Variants in GPHN observed in about 807,000 individuals in gnomAD.
GPHN encodes gephyrin.
In GPHN, 17 loss-of-function variants were observed where a neutral mutation model predicts 95.5. That is an observed-to-expected ratio of 0.18 (90% confidence interval 0.12 to 0.27). The LOEUF (loss-of-function observed/expected upper bound fraction) is 0.27. GPHN is among the 10% of genes least tolerant of loss of function. The pLI is 1.00. For missense variants in GPHN, 660 were observed against 978.1 expected (o/e 0.67, Z 4.34); for synonymous variants, 320 against 322.5 (o/e 0.99, Z 0.08).
chr14:67,702,024 T>C, the GPHN span: 2 of 152,124 alleles, frequency 1.3e-5, no homozygotes, highest in Admixed American at 1.3e-4. Flanking sequence ...ACTATGTTGC[T>C]TAGGCTTGTC....
the GPHN span, among the ~76,000 whole-genome samples, chr14:67,559,899 C>A: frequency 1.3e-5 from 2 of 152,216 alleles, no homozygotes; most frequent in African/African-American, 4.8e-5. Flanking sequence ...GAGCTCCTGA[C>A]TAGCTTGGTG....
chr14:66,687,090 A>G (rs375223679), intron 2 of GPHN, among the ~76,000 whole-genome samples: 2 of 152,116 alleles, frequency 1.3e-5, no homozygotes, highest in Admixed American at 6.5e-5. Context: ...CTTGTATCCC[A>G]GGGATGAAGC....
At chr14:67,337,696 T>TCAAA in the GPHN span, 1 of 152,130 alleles carries the variant, frequency 6.6e-6, no homozygotes, top group Non-Finnish European at 1.5e-5. Context: ...TCATGCCAAA[T>TCAAA]CAAACAGTAC....
intron 9 of GPHN, among the ~76,000 whole-genome samples, chr14:67,011,430 C>T (rs963226685): frequency 2.0e-5 from 3 of 150,798 alleles, no homozygotes; most frequent in Non-Finnish European, 4.4e-5. Flanking sequence ...AAAATTATCT[C>T]GGGGGGATGT....
chr14:67,380,740 C>T, the GPHN span: 1 of 1,547,068 alleles, frequency 6.5e-7, no homozygotes, highest in Non-Finnish European at 8.7e-7. Flanking sequence ...GGCGCTTGAC[C>T]CCACAGGCTG....
the GPHN span, chr14:67,571,970 T>C: frequency 6.5e-7 from 1 of 1,532,928 alleles, no homozygotes; most frequent in Non-Finnish European, 8.8e-7. Flanking sequence ...CATGGGCACT[T>C]GAACATGGGC....
the GPHN span, chr14:67,652,421 C>A: frequency 1.1e-5 from 2 of 184,988 alleles, no homozygotes; most frequent in East Asian, 1.2e-4. Flanking sequence ...ATGGCATATG[C>A]TGTTTCACTA....
chr14:66,937,652 C>G (rs1387265857), intron 8 of GPHN, among the ~76,000 whole-genome samples: 1 of 152,160 alleles, frequency 6.6e-6, no homozygotes, highest in Non-Finnish European at 1.5e-5. Flanking sequence ...TGCTGGATTA[C>G]AGGCATGAGC....
chr14:67,356,131 C>T, the GPHN span, among the ~76,000 whole-genome samples: 1 of 151,936 alleles, frequency 6.6e-6, no homozygotes, highest in Non-Finnish European at 1.5e-5. Context: ...TACTAATAAA[C>T]TTTTTTGGCC....
At chr14:67,571,473 G>A in the GPHN span, 27 of 364,110 alleles carry the variant, frequency 7.4e-5, no homozygotes, top group African/African-American at 5.2e-4. Context: ...CCCCCTAGTG[G>A]CAAGGAGCGA....
chr14:66,763,425 A>C (rs563260901), intron 2 of GPHN, among the ~76,000 whole-genome samples: 1 of 124,422 alleles, frequency 8.0e-6, no homozygotes, highest in East Asian at 2.4e-4. Flanking sequence ...AGAGTGTGAT[A>C]TTCCCCTTCC....
At chr14:66,769,192 A>G (rs2059072013) in intron 2 of GPHN, among the ~76,000 whole-genome samples, 1 of 152,100 alleles carries the variant, frequency 6.6e-6, no homozygotes, top group Non-Finnish European at 1.5e-5. Context: ...ATCATCTATG[A>G]AATATACCAA....
chr14:66,821,194 A>C (rs774768999), intron 3 of GPHN, among the ~76,000 whole-genome samples: 1 of 152,228 alleles, frequency 6.6e-6, no homozygotes, highest in Non-Finnish European at 1.5e-5. Context: ...AAGATAAATT[A>C]CTAAGTTAAA....
chr14:67,321,022 A>G, the GPHN span: 2 of 1,584,536 alleles, frequency 1.3e-6, no homozygotes, highest in Non-Finnish European at 1.7e-6. Context: ...ACTCTAAGCC[A>G]TGCCTGTTAT....
At chr14:67,275,634 A>G in the GPHN span, among the ~76,000 whole-genome samples, 1 of 152,164 alleles carries the variant, frequency 6.6e-6, no homozygotes, top group Non-Finnish European at 1.5e-5. Context: ...TGCTGGCCTC[A>G]TAAAATGAGT....
At chr14:66,884,595 C>G (rs1337980889) in intron 5 of GPHN, among the ~76,000 whole-genome samples, 1 of 151,622 alleles carries the variant, frequency 6.6e-6, no homozygotes. Context: ...TTTAAAAGAT[C>G]AAATACTCTT....
chr14:67,340,388 C>T, the GPHN span: 3 of 1,493,734 alleles, frequency 2.0e-6, no homozygotes, highest in Non-Finnish European at 2.8e-6. Flanking sequence ...CAAATACAGC[C>T]TTTGGAATAT....
At chr14:66,988,936 G>A (rs1038637965) in intron 9 of GPHN, among the ~76,000 whole-genome samples, 1 of 151,972 alleles carries the variant, frequency 6.6e-6, no homozygotes, top group Non-Finnish European at 1.5e-5. Flanking sequence ...TCACACAGCT[G>A]TAATAGTTTT....
chr14:67,561,886 A>AAT, the GPHN span: 3 of 1,108,310 alleles, frequency 2.7e-6, no homozygotes, highest in Non-Finnish European at 4.0e-6. Flanking sequence ...AAAAAAAAAA[A>AAT]GAATTGAAAA....
Sources: allele counts gnomAD v4.1 joint callset (sites outside exome capture counted in the v4.1 genomes callset), GRCh38; gene constraint gnomAD v4.1.1; transcripts MANE v1.5; gene names NCBI Gene and HGNC (gene_info 2026-07-23, HGNC 2026-07-21).